Variants in ERMAP observed in about 807,000 individuals in gnomAD.
ERMAP encodes erythroid membrane-associated protein.
In ERMAP, 34 loss-of-function variants were observed where a neutral mutation model predicts 49.5. The observed-to-expected ratio is 0.69, with a 90% CI of 0.52 to 0.91. ERMAP has a LOEUF of 0.91. Ranked by LOEUF, ERMAP falls within the 40% of genes least tolerant of loss-of-function variation. The probability of loss-of-function intolerance (pLI) is 0.00; values close to 1 mark genes in which losing one functional copy is unlikely to be tolerated. For synonymous variants in ERMAP, 214 were observed against 232.2 expected, an observed-to-expected ratio of 0.92 and a Z score of 0.71; for missense variants, 541 against 582.6, an observed-to-expected ratio of 0.93 and a Z score of 0.74.
intron 1 of ERMAP, among the ~76,000 whole-genome samples, chr1:42,820,317 T>C (rs547255642): frequency 1.3e-5 from 2 of 152,082 alleles, no homozygotes; most frequent in East Asian, 3.9e-4. Context: ...AAGCACTCGG[T>C]GGCCCCTTTC....
chr1:42,819,224 G>A lies in ERMAP; in HGVS notation c.-122+1971G>A, dbSNP rs1255345271. 6.7e-6 allele frequency among the ~76,000 whole-genome samples: 1 copy of A among 148,788 alleles called. No homozygotes were observed. Among genetic ancestry groups the A allele is most frequent in the Non-Finnish European group, 1.5e-5 (1 of 67,068 alleles). On this transcript the variant is annotated intron_variant, in intron 1 of 11. Coordinates refer to ENST00000372517, the MANE Select transcript of ERMAP (RefSeq NM_001017922.2). The surrounding 1 kb of genome is among the most constrained non-coding windows in gnomAD (Gnocchi z 5.1). ...GTGTGTGTGCGCGCGCGCAAGAGAG[G>A]GACCGAGAGAGAGAAAGAGCTAGAT...
intron 11 of ERMAP, 62 bp downstream of exon 11, chr1:42,840,358 C>A: frequency 4.4e-6 from 7 of 1,603,836 alleles, no homozygotes; most frequent in Non-Finnish European, 6.0e-6. Flanking sequence ...GGCTTTGTAA[C>A]CTTAGATTTT....
rs1655015056 is a variant in ERMAP, at chr1:42,840,170, CAA to C, written c.679_680del (p.Asn227LeufsTer28). 1.2e-6 allele frequency: 2 copies of C among 1,614,174 alleles called. No homozygotes were observed. The highest frequency in any genetic ancestry group is 4.5e-5 in the East Asian group (2 of 44,876). On this transcript the variant is annotated frameshift_variant, in exon 10 of 12. Transcript: ENST00000372517. LOFTEE classifies it high-confidence loss of function. Reference sequence around the variant, plus strand: ...TTCATAGAGTTGAAAAGAGCTGCAGCAAACTCAGGTGAGATGCACTTTCTCCA... The same window carrying C: ...TTCATAGAGTTGAAAAGAGCTGCAGCACTCAGGTGAGATGCACTTTCTCCA...
Position 42,830,427 on chromosome 1 carries a change from C to T in ERMAP, c.-5-17C>T, listed in dbSNP as rs896802711. On this transcript the variant is annotated splice_polypyrimidine_tract_variant and intron_variant, in intron 2 of 11. Coordinates refer to ENST00000372517, the MANE Select transcript of ERMAP (RefSeq NM_001017922.2). ...GCCCATCAGCCCGCTTGTGCTGTCT[C>T]CCTCTGTCTGTCCTAGTTCGGATGG... 7 of 1,613,062 alleles carry T rather than the reference C, an allele frequency of 4.3e-6. No individual in the cohort carries two copies. The highest frequency in any genetic ancestry group is 5.9e-6 in the Non-Finnish European group (7 of 1,179,202).
chr1:42,837,219 G>T lies in ERMAP; in HGVS notation c.616+29G>T, dbSNP rs754496932. 9 of 1,603,456 alleles carry T rather than the reference G, an allele frequency of 5.6e-6. No homozygotes were observed. The East Asian group carries it at 1.3e-4, about 24-fold the overall frequency. On this transcript the variant is annotated intron_variant, in intron 7 of 11. Coordinates refer to ENST00000372517, the MANE Select transcript of ERMAP (RefSeq NM_001017922.2). ...ATGATATAAAAGAGTAAGGGGTAGG[G>T]AACAAAAAACACATTCTTTATTTTT...
chr1:42,836,288 G>A (rs1220491406), intron 6 of ERMAP, among the ~76,000 whole-genome samples: 1 of 152,194 alleles, frequency 6.6e-6, no homozygotes, highest in Non-Finnish European at 1.5e-5. Flanking sequence ...AGGGTATGAA[G>A]TTTGTCCTGA....
At chr1:42,825,998 T>C (rs1654534926) in intron 2 of ERMAP, among the ~76,000 whole-genome samples, 1 of 152,250 alleles carries the variant, frequency 6.6e-6, no homozygotes, top group Admixed American at 6.5e-5. Context: ...TAGCTCTTAC[T>C]ATTTGCTGGA....
chr1:42,831,833 T>C (rs1295193699), intron 4 of ERMAP, among the ~76,000 whole-genome samples: 1 of 152,000 alleles, frequency 6.6e-6, no homozygotes, highest in Non-Finnish European at 1.5e-5. Context: ...CCGCTTGGCC[T>C]CCCAAAGTAT....
rs778881107 is a variant in ERMAP, at chr1:42,817,129, C to G, written c.-246C>G. 6.1e-5 allele frequency: 72 copies of G among 1,181,480 alleles called. No homozygotes were observed. The African/African-American group carries it at 8.0e-4, about 13-fold the overall frequency. 73.2% of individuals were successfully genotyped at this position (1,181,480 alleles called of 1,614,324 possible). On this transcript the variant is annotated 5_prime_UTR_variant, in exon 1 of 12. Coordinates refer to ENST00000372517, the MANE Select transcript of ERMAP (RefSeq NM_001017922.2). ...CGGCCCCCGCCTCCTGCCCTCTTCC[C>G]TCTCCTGGAGGAAAATGGCGGTCGC...
intron 11 of ERMAP, 150 bp downstream of exon 11, chr1:42,840,446 T>C (rs1361457190): frequency 6.6e-6 from 6 of 902,694 alleles, no homozygotes; most frequent in Non-Finnish European, 1.0e-5. Context: ...ATTAAAAAAA[T>C]CTTTGTGATC....
At chr1:42,840,403 T>C in intron 11 of ERMAP, 107 bp downstream of exon 11, 1 of 1,378,532 alleles carries the variant, frequency 7.3e-7, no homozygotes, top group Non-Finnish European at 1.0e-6. Flanking sequence ...AATTTAAAAA[T>C]TTTTAAATCA....
chr1:42,840,438 T>A, intron 11 of ERMAP, 142 bp downstream of exon 11: 1 of 970,378 alleles, frequency 1.0e-6, no homozygotes, highest in Non-Finnish European at 1.5e-6. Flanking sequence ...ACTATCAAAT[T>A]AAAAAAATCT....
chr1:42,843,366 G>A lies in ERMAP; in HGVS notation c.*134G>A, dbSNP rs1381548289. The A allele has an allele frequency of 4.9e-6, 3 of 617,138 alleles. No homozygotes were observed. The East Asian group carries it at 8.8e-5, about 18-fold the overall frequency. The allele number at this position is 617,138 out of a possible 1,614,324, so 38.2% of individuals were successfully genotyped here. On this transcript the variant is annotated 3_prime_UTR_variant, in exon 12 of 12. Transcript: ENST00000372517. ...CCAGACCCTTTTGTGGTTTCTATTTGTACCACTTTTCTCCCAGGCCTCAGT... is the reference window on the plus strand; with the variant it reads ...CCAGACCCTTTTGTGGTTTCTATTTATACCACTTTTCTCCCAGGCCTCAGT...
chr1:42,835,135 G>C lies in ERMAP; in HGVS notation c.531G>C (p.Trp177Cys). The C allele has an allele frequency of 6.8e-7, 1 of 1,473,730 alleles. No individual in the cohort carries two copies. Among genetic ancestry groups the C allele is most frequent in the South Asian group, 1.1e-5 (1 of 88,238 alleles). The allele number at this position is 1,473,730 out of a possible 1,614,324, so 91.3% of individuals were successfully genotyped here. ...TCATGGTGTGCCTTTGCCTTATCTG[G>C]AAGCAAAGAAGAGCAAAAGGTAATT... is the stretch of plus-strand genomic sequence containing the variant. ...LLIMVCLCLI[W>C]KQRRAKEKLL... is the part of the protein sequence containing the mutation. The change falls in exon 5 of 12, where the codon TGG becomes TGC. Residue 177 changes from tryptophan (W) to cysteine (C), a missense_variant. By Grantham distance (215) the Trp-to-Cys change is radical. Coordinates refer to ENST00000372517, the MANE Select transcript of ERMAP (RefSeq NM_001017922.2).
chr1:42,818,858 T>C (rs950157392), intron 1 of ERMAP, among the ~76,000 whole-genome samples: 3 of 152,206 alleles, frequency 2.0e-5, no homozygotes, highest in African/African-American at 7.2e-5. Flanking sequence ...ATACAAATGC[T>C]GATTCGATTA....
chr1:42,839,801 G>A, intron 8 of ERMAP: 1 of 584,814 alleles, frequency 1.7e-6, no homozygotes, highest in Non-Finnish European at 3.0e-6. Context: ...TATTTAGCCT[G>A]CAGATAAGGT....
intron 1 of ERMAP, among the ~76,000 whole-genome samples, chr1:42,822,180 A>C (rs1016725595): frequency 2.0e-5 from 3 of 151,716 alleles, no homozygotes; most frequent in African/African-American, 7.3e-5. Context: ...ATCCTTTTTA[A>C]AAAATTAATT....
rs1463819160 is a variant in ERMAP at position 42,843,765 on chromosome 1, T to TG, written c.*534dup. The TG allele has an allele frequency of 1.4e-5, 4 of 279,168 alleles. No homozygotes were observed. The highest frequency in any genetic ancestry group is 8.7e-5 in the African/African-American group (4 of 45,840). The allele number at this position is 279,168 out of a possible 1,614,324, so 17.3% of individuals were successfully genotyped here. A position where few individuals can be genotyped will look rare whatever the true frequency, so the allele number is the denominator to read the frequency against. On this transcript the variant is annotated 3_prime_UTR_variant, in exon 12 of 12. Transcript: ENST00000372517. ...TCTTCAGGAATGAATTGGGAAAGGC[T>TG]GATGAGTAAAACATACCATCCTTTT...
intron 1 of ERMAP, chr1:42,824,567 G>C (rs1377727321): frequency 1.3e-5 from 2 of 152,170 alleles, no homozygotes; most frequent in Non-Finnish European, 2.9e-5. Context: ...TGAGGTGTGA[G>C]ACAAGTACTT....
Sources: allele counts gnomAD v4.1 joint callset (sites outside exome capture counted in the v4.1 genomes callset), GRCh38; gene constraint gnomAD v4.1.1; non-coding constraint Gnocchi (gnomAD v3.1); transcripts MANE v1.5; gene names NCBI Gene and HGNC (gene_info 2026-07-23, HGNC 2026-07-21).